Variants in NUDT3 observed in about 807,000 individuals in gnomAD.
The protein encoded by NUDT3 is nudix hydrolase 3, also known as diphosphoinositol polyphosphate phosphohydrolase 1.
A neutral mutation model predicts 23.6 loss-of-function variants in NUDT3; 9 were observed. The ratio of observed to expected loss-of-function variants is 0.38; its 90% confidence interval spans 0.23 to 0.66. NUDT3 has a LOEUF of 0.66. NUDT3 is among the 30% of genes least tolerant of loss of function. The probability of loss-of-function intolerance (pLI) is 0.52; values close to 1 mark genes in which losing one functional copy is unlikely to be tolerated. For missense variants in NUDT3, 172 were observed against 218.5 expected (o/e 0.79, Z 1.34); for synonymous variants, 86 against 82.6 (o/e 1.04, Z -0.22).
intron 2 of NUDT3, among the ~76,000 whole-genome samples, chr6:34,333,004 CTTTTT>C (rs1401885486): frequency 6.6e-6 from 1 of 152,064 alleles, no homozygotes; most frequent in Non-Finnish European, 1.5e-5. Context: ...AGGTGCTTTT[CTTTTT>C]TATTACAGAA....
At chr6:34,315,369 T>C (rs1430730689) in intron 2 of NUDT3, among the ~76,000 whole-genome samples, 1 of 152,260 alleles carries the variant, frequency 6.6e-6, no homozygotes, top group Non-Finnish European at 1.5e-5. Flanking sequence ...AAACATTTAA[T>C]ATCACATCTA....
At chr6:34,316,767 GCA>G (rs1021392407) in intron 2 of NUDT3, among the ~76,000 whole-genome samples, 106 of 152,318 alleles carry the variant, frequency 7.0e-4, no homozygotes, top group African/African-American at 2.2e-3. Flanking sequence ...TATTGCTGGA[GCA>G]CAGTGAGAAA....
intron 2 of NUDT3, among the ~76,000 whole-genome samples, chr6:34,339,945 T>C (rs978864125): frequency 1.3e-5 from 2 of 152,198 alleles, no homozygotes; most frequent in African/African-American, 4.8e-5. Context: ...CGGTGACGGC[T>C]TAGTAGTTTA....
In NUDT3 at chr6:34,282,442, T is replaced by C. The variant is rs1763290206; in HGVS notation, c.*6311A>G. The C allele has an allele frequency of 6.6e-6, 1 of 152,178 alleles. No individual in the cohort carries two copies. Among genetic ancestry groups the C allele is most frequent in the East Asian group, 1.9e-4 (1 of 5,192 alleles). The allele number at this position is 152,178 out of a possible 1,614,324, so 9.4% of individuals were successfully genotyped here. The stretch of plus-strand genomic sequence containing the variant: ...GAATCTTATGGCCCAGCATTGGCAT[T>C]GAGGCATCTTGCTTTTTTTCCTCAG... On this transcript the variant is annotated 3_prime_UTR_variant, in exon 5 of 5. Coordinates refer to ENST00000607016, the MANE Select transcript of NUDT3 (RefSeq NM_006703.4).
At chr6:34,370,198 A>G (rs1764805135) in intron 1 of NUDT3, among the ~76,000 whole-genome samples, 1 of 152,204 alleles carries the variant, frequency 6.6e-6, no homozygotes, top group Admixed American at 6.5e-5. Context: ...TCTACAAGTC[A>G]TCTCCACTAT....
At chr6:34,311,815 G>A (rs1284969100) in intron 2 of NUDT3, among the ~76,000 whole-genome samples, 5 of 152,082 alleles carry the variant, frequency 3.3e-5, no homozygotes, top group Non-Finnish European at 7.4e-5. Flanking sequence ...CGATACAATG[G>A]AGAAAAAAAT....
chr6:34,392,224 G>T, intron 1 of NUDT3, 40 bp downstream of exon 1: 1 of 1,510,498 alleles, frequency 6.6e-7, no homozygotes, highest in South Asian at 1.2e-5. Context: ...GAAGGGGCCG[G>T]AGACCCGGCG....
At chr6:34,340,026 C>T (rs974673632) in intron 2 of NUDT3, among the ~76,000 whole-genome samples, 2 of 152,178 alleles carry the variant, frequency 1.3e-5, no homozygotes, top group Non-Finnish European at 2.9e-5. Context: ...GAAACACCGA[C>T]ATAAAGAGTC....
chr6:34,391,470 CCCTA>C (rs1443002252), intron 1 of NUDT3, among the ~76,000 whole-genome samples: 5 of 151,990 alleles, frequency 3.3e-5, no homozygotes, highest in African/African-American at 1.2e-4. Flanking sequence ...TTTTAAAGTA[CCCTA>C]CCTATTATAA....
chr6:34,371,555 A>G lies in NUDT3; in HGVS notation c.99+20709T>C, dbSNP rs971421571. Reference sequence around the variant, plus strand: ...TGGGAAACAGGAAAGAACAATCACTACTAAATTGTTATTGATTCCTTACGA... The same window carrying G: ...TGGGAAACAGGAAAGAACAATCACTGCTAAATTGTTATTGATTCCTTACGA... On this transcript the variant is annotated intron_variant, in intron 1 of 4. Coordinates refer to ENST00000607016, the MANE Select transcript of NUDT3 (RefSeq NM_006703.4). Among the ~76,000 whole-genome samples the G allele has an allele frequency of 2.0e-5, 3 of 152,296 alleles. No homozygotes were observed. The South Asian group carries it at 6.2e-4, about 32-fold the overall frequency.
chr6:34,354,269 C>T (rs1050222113), intron 1 of NUDT3, among the ~76,000 whole-genome samples: 2 of 151,994 alleles, frequency 1.3e-5, no homozygotes, highest in African/African-American at 4.8e-5. Flanking sequence ...CCTTAACCTG[C>T]CAAAGTGCTG....
In NUDT3 at chr6:34,355,692, G is replaced by C. The variant is rs796394108; in HGVS notation, c.100-13720C>G. Among the ~76,000 whole-genome samples the C allele has an allele frequency of 3.8e-5, 4 of 104,700 alleles. No individual in the cohort carries two copies. In the East Asian group the frequency reaches 1.0e-3, roughly 27 times the overall value. 68.7% of individuals were successfully genotyped at this position (104,700 alleles called of 152,430 possible). A position where few individuals can be genotyped will look rare whatever the true frequency, so the allele number is the denominator to read the frequency against. Reference sequence around the variant, plus strand: ...CCTGGCCCTACAGCTGTTTTTTTGGGGGGGTGGGGGGTGGGGGGAGGGTTT... The same window carrying C: ...CCTGGCCCTACAGCTGTTTTTTTGGCGGGGTGGGGGGTGGGGGGAGGGTTT... On this transcript the variant is annotated intron_variant, in intron 1 of 4. Transcript: ENST00000607016.
In NUDT3 at chr6:34,377,408, C is replaced by T. The variant is rs910782671; in HGVS notation, c.99+14856G>A. On this transcript the variant is annotated intron_variant, in intron 1 of 4. Transcript: ENST00000607016. ...TATATGTATTTTAAGAAGCATCGTACTGTTTTCATAAACTTGGATTTTAAA... is the reference window on the plus strand; with the variant it reads ...TATATGTATTTTAAGAAGCATCGTATTGTTTTCATAAACTTGGATTTTAAA... 2.0e-5 allele frequency among the ~76,000 whole-genome samples: 3 copies of T among 152,106 alleles called. No individual in the cohort carries two copies. The South Asian group carries it at 6.2e-4, about 32-fold the overall frequency.
At chr6:34,326,632 G>C (rs1394161527) in intron 2 of NUDT3, among the ~76,000 whole-genome samples, 1 of 149,634 alleles carries the variant, frequency 6.7e-6, no homozygotes, top group Non-Finnish European at 1.5e-5. Flanking sequence ...ACGGAGTCTT[G>C]CTCTGCTGCC....
At position 34,362,808 on chromosome 6, in the gene NUDT3, G is replaced by A. The variant is rs547298665; in HGVS notation, c.100-20836C>T. ...TAATTAAATTCTCACAATAACCCTA[G>A]GAATCAGATGGTATTAGTGGATGTA... On this transcript the variant is annotated intron_variant, in intron 1 of 4. Coordinates refer to ENST00000607016, the MANE Select transcript of NUDT3 (RefSeq NM_006703.4). 5.3e-5 allele frequency among the ~76,000 whole-genome samples: 8 copies of A among 152,138 alleles called. No individual in the cohort carries two copies. In the South Asian group the frequency reaches 1.7e-3, roughly 32 times the overall value.
chr6:34,348,924 A>G (rs1404274872), intron 1 of NUDT3, among the ~76,000 whole-genome samples: 1 of 151,828 alleles, frequency 6.6e-6, no homozygotes, highest in Non-Finnish European at 1.5e-5. Flanking sequence ...CAGTGGTGCA[A>G]TCGTGGCTTA....
intron 2 of NUDT3, among the ~76,000 whole-genome samples, chr6:34,329,827 G>A (rs1290672022): frequency 1.3e-5 from 2 of 152,088 alleles, no homozygotes; most frequent in African/African-American, 2.4e-5. Flanking sequence ...AGGCCCTGGT[G>A]TGTGATGTTC....
chr6:34,376,233 T>G (rs1238293905), intron 1 of NUDT3, among the ~76,000 whole-genome samples: 1 of 152,110 alleles, frequency 6.6e-6, no homozygotes, highest in Non-Finnish European at 1.5e-5. Flanking sequence ...TCTTCAACCA[T>G]GAGCTCCTTC....
intron 1 of NUDT3, among the ~76,000 whole-genome samples, chr6:34,358,072 C>T (rs1221282110): frequency 6.6e-6 from 1 of 152,120 alleles, no homozygotes; most frequent in Non-Finnish European, 1.5e-5. Flanking sequence ...CTATTCGGTT[C>T]TATTGATTCA....
Sources: allele counts gnomAD v4.1 joint callset (sites outside exome capture counted in the v4.1 genomes callset), GRCh38; gene constraint gnomAD v4.1.1; transcripts MANE v1.5; gene names NCBI Gene and HGNC (gene_info 2026-07-23, HGNC 2026-07-21).